PPP4R2: variants seen among roughly 807,000 people sequenced by gnomAD.
The protein encoded by PPP4R2 is protein phosphatase 4 regulatory subunit 2.
In PPP4R2, 13 loss-of-function variants were observed where a neutral mutation model predicts 47.2. The ratio of observed to expected loss-of-function variants is 0.28; its 90% CI spans 0.18 to 0.44. PPP4R2 has a LOEUF of 0.44. Among genes scored for constraint, PPP4R2 ranks in the 20% least tolerant of loss-of-function variants. The pLI is 1.00. For synonymous variants in PPP4R2, 151 were observed against 163.3 expected, an observed-to-expected ratio of 0.92 and a Z score of 0.57; for missense variants, 421 against 491.2, an observed-to-expected ratio of 0.86 and a Z score of 1.35.
intron 2 of PPP4R2, among the ~76,000 whole-genome samples, chr3:72,998,431 A>G (rs1701395378): frequency 6.6e-6 from 1 of 152,192 alleles, no homozygotes; most frequent in Admixed American, 6.5e-5. Flanking sequence ...AGTCTTAACG[A>G]GCCAGAGAAA....
At chr3:72,999,765 A>G (rs1158999095) in intron 2 of PPP4R2, among the ~76,000 whole-genome samples, 2 of 152,132 alleles carry the variant, frequency 1.3e-5, no homozygotes, top group Admixed American at 1.3e-4. Context: ...CCTCCACCCC[A>G]TATTCGGTGT....
chr3:73,032,468 T>C (rs2107279351), intron 2 of PPP4R2, among the ~76,000 whole-genome samples: 1 of 152,164 alleles, frequency 6.6e-6, no homozygotes, highest in East Asian at 1.9e-4. Flanking sequence ...TTTGTATTTT[T>C]AGTAGAGGCG....
intron 2 of PPP4R2, among the ~76,000 whole-genome samples, chr3:73,010,232 G>T (rs1158228689): frequency 6.6e-6 from 1 of 151,464 alleles, no homozygotes; most frequent in Non-Finnish European, 1.5e-5. Context: ...TTTTTGTTTT[G>T]TTTTTTTTGA....
At position 73,069,158 on chromosome 3, in the gene PPP4R2, ATG is replaced by A. The variant is rs1217057392; in HGVS notation, c.*3438_*3439del. ...CTTGGAGCCTAGATTACTTTGCCAAATGTATTATTTTCATAATGCAATAAAAT... is the reference window on the plus strand; with the variant it reads ...CTTGGAGCCTAGATTACTTTGCCAAATATTATTTTCATAATGCAATAAAAT... On this transcript the variant is annotated 3_prime_UTR_variant, in exon 9 of 9. Coordinates refer to ENST00000356692, the MANE Select transcript of PPP4R2 (RefSeq NM_174907.4). 1 of 152,186 alleles carries A rather than the reference ATG, an allele frequency of 6.6e-6. No individual in the cohort carries two copies. Among genetic ancestry groups the A allele is most frequent in the Non-Finnish European group, 1.5e-5 (1 of 68,028 alleles). 9.4% of individuals were successfully genotyped at this position (152,186 alleles called of 1,614,324 possible). A position where few individuals can be genotyped will look rare whatever the true frequency, so the allele number is the denominator to read the frequency against.
chr3:73,002,629 CTTTTCTTTTTTTTTTTTTTT>C (rs1196629029), intron 2 of PPP4R2, among the ~76,000 whole-genome samples: 2 of 83,012 alleles, frequency 2.4e-5, no homozygotes, highest in Non-Finnish European at 4.8e-5. Flanking sequence ...CTTTTCTTTT[CTTTTCTTTTTTTTTTTTTTT>C]TTTTTTTTTT....
Position 73,065,564 on chromosome 3 carries a change from A to C in PPP4R2, c.1096A>C (p.Asn366His), listed in dbSNP as rs907385243. ...KDLLHSEGSE[N>H]EGPVSSSSSD... Reference sequence around the variant, plus strand: ...TTTGCTACATTCTGAAGGTAGTGAAAACGAAGGCCCTGTAAGTAGTAGTTC... The same window carrying C: ...TTTGCTACATTCTGAAGGTAGTGAACACGAAGGCCCTGTAAGTAGTAGTTC... The change falls in exon 9 of 9, where the codon AAC becomes CAC. Residue 366 changes from asparagine (N) to histidine (H), a missense_variant. Transcript: ENST00000356692. The C allele has an allele frequency of 1.2e-6, 2 of 1,613,196 alleles. No homozygotes were observed. Among genetic ancestry groups the C allele is most frequent in the African/African-American group, 2.7e-5 (2 of 74,906 alleles).
At position 73,062,659 on chromosome 3, in the gene PPP4R2, T is replaced by C. The variant is rs372516989; in HGVS notation, c.420-1014T>C. On this transcript the variant is annotated intron_variant, in intron 5 of 8. Coordinates refer to ENST00000356692, the MANE Select transcript of PPP4R2 (RefSeq NM_174907.4). ...CACTGCTGTGACCTTTTGATAGGCA[T>C]TGCGGCTGGATCAAGTGATAAGATT... The C allele has an allele frequency of 1.9e-6, 3 of 1,613,840 alleles. No individual in the cohort carries two copies. The highest frequency in any genetic ancestry group is 1.3e-5 in the African/African-American group (1 of 74,924).
At chr3:73,039,589 A>G (rs1025688123) in intron 2 of PPP4R2, among the ~76,000 whole-genome samples, 2 of 152,184 alleles carry the variant, frequency 1.3e-5, no homozygotes, top group African/African-American at 4.8e-5. Flanking sequence ...ACTGGGGACA[A>G]TTTTTGACTC....
At chr3:73,049,212 C>A (rs759804228) in intron 3 of PPP4R2, among the ~76,000 whole-genome samples, 2 of 152,082 alleles carry the variant, frequency 1.3e-5, no homozygotes, top group African/African-American at 4.8e-5. Flanking sequence ...TAGAATACTT[C>A]TCGGGGCCAG....
chr3:73,042,253 T>G (rs1317016692), intron 2 of PPP4R2, among the ~76,000 whole-genome samples: 1 of 152,172 alleles, frequency 6.6e-6, no homozygotes, highest in Non-Finnish European at 1.5e-5. Flanking sequence ...GGTTTTTTTG[T>G]TCTCATTTCT....
chr3:73,062,360 C>T, intron 5 of PPP4R2: 2 of 1,605,494 alleles, frequency 1.2e-6, no homozygotes, highest in Non-Finnish European at 1.7e-6. Flanking sequence ...CATTGGAACC[C>T]CAACCCAGCA....
At position 73,033,697 on chromosome 3, in the gene PPP4R2, C is replaced by T. The variant is rs368269265; in HGVS notation, c.117-13489C>T. ...CCATTAAACAATAATGACCATTCCT[C>T]CTTCCTTCCAATCCCTGTCTAGCTT... On this transcript the variant is annotated intron_variant, in intron 2 of 8. Transcript: ENST00000356692. Among the ~76,000 whole-genome samples, 22 of 152,310 alleles carry T rather than the reference C, an allele frequency of 1.4e-4. No individual in the cohort carries two copies. The East Asian group carries it at 4.0e-3, about 28-fold the overall frequency.
At chr3:73,010,572 T>A (rs1701702937) in intron 2 of PPP4R2, among the ~76,000 whole-genome samples, 2 of 152,116 alleles carry the variant, frequency 1.3e-5, no homozygotes, top group Non-Finnish European at 2.9e-5. Context: ...CTCTTTTTTT[T>A]TTTTAAGACA....
Position 73,025,087 on chromosome 3 carries a change from T to A in PPP4R2, c.117-22099T>A, listed in dbSNP as rs190782857. Among the ~76,000 whole-genome samples, 251 of 151,956 alleles carry A rather than the reference T, an allele frequency of 1.7e-3. 2 individuals carry two copies. The highest frequency in any genetic ancestry group is 6.8e-3 in the Middle Eastern group (2 of 294). On this transcript the variant is annotated intron_variant, in intron 2 of 8. Transcript: ENST00000356692. ...TTGGCCTGGCCCTGGTCAGGTGGGG[T>A]GATGAGAGAAACAGAGCTGGCTACT...
At chr3:73,020,672 TAAA>T (rs1553646728) in intron 2 of PPP4R2, among the ~76,000 whole-genome samples, 7 of 133,218 alleles carry the variant, frequency 5.3e-5, no homozygotes, top group African/African-American at 1.2e-4. Flanking sequence ...CCTGTCTCTT[TAAA>T]AAAAAAAAAA....
At position 73,065,697 on chromosome 3, in the gene PPP4R2, C is replaced by T. The variant is rs756806495; in HGVS notation, c.1229C>T (p.Thr410Ile). ...MENDDEATEVTDEPMEQD is the reference protein window; with the variant it reads ...MENDDEATEVIDEPMEQD ...AATGATGACGAAGCCACAGAAGTCACCGATGAACCAATGGAACAAGACTAA... is the reference window on the plus strand; with the variant it reads ...AATGATGACGAAGCCACAGAAGTCATCGATGAACCAATGGAACAAGACTAA... The change falls in exon 9 of 9, where the codon ACC becomes ATC. Residue 410 changes from threonine to isoleucine, a missense_variant. By Grantham distance (89) the Thr-to-Ile change is moderately conservative. Transcript: ENST00000356692. 6.2e-7 allele frequency: 1 copy of T among 1,606,040 alleles called. No homozygotes were observed. The highest frequency in any genetic ancestry group is 1.7e-5 in the Admixed American group (1 of 59,626).
At chr3:72,998,673 C>G (rs529423490) in intron 2 of PPP4R2, among the ~76,000 whole-genome samples, 70 of 152,150 alleles carry the variant, frequency 4.6e-4, no homozygotes, top group Non-Finnish European at 9.6e-4. Flanking sequence ...ACAGTTTTGA[C>G]TTGTAGACTT....
At chr3:73,062,215 T>A in intron 5 of PPP4R2, 4 of 1,591,684 alleles carry the variant, frequency 2.5e-6, no homozygotes, top group Non-Finnish European at 3.4e-6. Context: ...CGGAACCAAT[T>A]TTCCACAATG....
At chr3:73,030,670 C>A (rs2107275071) in intron 2 of PPP4R2, among the ~76,000 whole-genome samples, 1 of 149,938 alleles carries the variant, frequency 6.7e-6, no homozygotes. Context: ...CCAACTATAT[C>A]TGAGGGAGTG....
Sources: allele counts gnomAD v4.1 joint callset (sites outside exome capture counted in the v4.1 genomes callset), GRCh38; gene constraint gnomAD v4.1.1; transcripts MANE v1.5; gene names NCBI Gene and HGNC (gene_info 2026-07-23, HGNC 2026-07-21).